The following PTPRD variants were observed in gnomAD, a reference collection of about 807,000 sequenced individuals.
PTPRD encodes the protein receptor-type tyrosine-protein phosphatase delta.
Under a neutral mutation model 214.5 loss-of-function variants are expected in PTPRD, and 34 were observed. The observed-to-expected ratio is 0.16, with a 90% CI of 0.12 to 0.21. PTPRD has a LOEUF of 0.21. Among genes scored for constraint, PTPRD ranks in the 10% least tolerant of loss-of-function variants. The pLI is 1.00. For synonymous variants in PTPRD, 1,128 were observed against 845.7 expected, an observed-to-expected ratio of 1.33 and a Z score of -5.79; for missense variants, 2,545 against 2,398.7, an observed-to-expected ratio of 1.06 and a Z score of -1.27.
intron 10 of PTPRD, among the ~76,000 whole-genome samples, chr9:9,036,671 A>G (rs764761313): frequency 5.3e-5 from 8 of 152,178 alleles, no homozygotes; most frequent in Non-Finnish European, 8.8e-5. Flanking sequence ...TTAGACAAAG[A>G]TGCTAGGTGA....
intron 9 of PTPRD, among the ~76,000 whole-genome samples, chr9:9,358,031 T>C (rs988317461): frequency 3.3e-5 from 5 of 151,284 alleles, no homozygotes; most frequent in African/African-American, 7.3e-5. Flanking sequence ...CAGAAAAATA[T>C]GAGATTTTTC....
At chr9:9,414,578 T>C (rs1489745803) in intron 8 of PTPRD, among the ~76,000 whole-genome samples, 1 of 152,154 alleles carries the variant, frequency 6.6e-6, no homozygotes, top group Non-Finnish European at 1.5e-5. Context: ...TGGTTTTTAA[T>C]TAAAAACAAA....
intron 3 of PTPRD, among the ~76,000 whole-genome samples, chr9:10,173,337 A>C (rs2099223673): frequency 6.6e-6 from 1 of 152,182 alleles, no homozygotes; most frequent in Non-Finnish European, 1.5e-5. Flanking sequence ...TAAATTGGCT[A>C]AGGTATTATT....
chr9:8,504,977 T>C (rs1352849741), intron 22 of PTPRD, among the ~76,000 whole-genome samples: 1 of 152,190 alleles, frequency 6.6e-6, no homozygotes, highest in Non-Finnish European at 1.5e-5. Flanking sequence ...CGTTAGTCAC[T>C]AAAGAAAGTT....
intron 2 of PTPRD, among the ~76,000 whole-genome samples, chr9:10,430,985 T>A (rs1311603201): frequency 1.3e-5 from 2 of 151,994 alleles, no homozygotes; most frequent in Admixed American, 1.3e-4. Context: ...ACATAAATAA[T>A]AACCTATACC....
At chr9:9,902,497 C>T (rs970683407) in intron 5 of PTPRD, among the ~76,000 whole-genome samples, 7 of 152,060 alleles carry the variant, frequency 4.6e-5, no homozygotes, top group Non-Finnish European at 8.8e-5. Flanking sequence ...ATGTTGATTA[C>T]ATAACAGTGT....
At chr9:10,413,554 A>T (rs1396677078) in intron 2 of PTPRD, among the ~76,000 whole-genome samples, 5 of 152,008 alleles carry the variant, frequency 3.3e-5, no homozygotes, top group Non-Finnish European at 7.4e-5. Context: ...TACAGATTCA[A>T]TTCTATTCCT....
chr9:8,764,344 T>C (rs2094577266), intron 11 of PTPRD, among the ~76,000 whole-genome samples: 2 of 152,214 alleles, frequency 1.3e-5, no homozygotes, highest in Admixed American at 1.3e-4. Context: ...GGCCTCTTCA[T>C]TAAAAACACA....
chr9:9,642,483 A>G (rs1227493082), intron 7 of PTPRD, among the ~76,000 whole-genome samples: 1 of 152,168 alleles, frequency 6.6e-6, no homozygotes, highest in Non-Finnish European at 1.5e-5. Flanking sequence ...TATAGCTTAG[A>G]AGGTATATAA....
At chr9:8,604,766 C>A (rs571274340) in intron 14 of PTPRD, among the ~76,000 whole-genome samples, 125 of 152,220 alleles carry the variant, frequency 8.2e-4, no homozygotes, top group African/African-American at 2.9e-3. Flanking sequence ...AAAGAGAAAT[C>A]AAGTAAGTCT....
intron 7 of PTPRD, among the ~76,000 whole-genome samples, chr9:9,712,038 G>A (rs367651259): frequency 2.6e-5 from 4 of 151,836 alleles, no homozygotes; most frequent in Admixed American, 6.6e-5. Flanking sequence ...GTGAGATCTC[G>A]CACCGACTTA....
At chr9:9,649,600 T>A (rs886393752) in intron 7 of PTPRD, among the ~76,000 whole-genome samples, 15 of 152,348 alleles carry the variant, frequency 9.8e-5, no homozygotes, top group African/African-American at 3.4e-4. Context: ...TAAATATCAC[T>A]GCCTTAGAGC....
At chr9:8,328,591 T>C (rs1563960488) in intron 44 of PTPRD, among the ~76,000 whole-genome samples, 3 of 118,488 alleles carry the variant, frequency 2.5e-5, no homozygotes, top group Non-Finnish European at 4.8e-5. Flanking sequence ...GGGGAAGTTC[T>C]TCTGGATAAT....
rs1291570372 is a variant in PTPRD, at chr9:9,356,406, C to A, written c.-203+41043G>T. ...ATAACAGCACTGGACTTATTTTTTT[C>A]ATGACCCATCACAGTCTATTGTATA... On this transcript the variant is annotated intron_variant, in intron 9 of 45. Coordinates refer to ENST00000381196, the MANE Select transcript of PTPRD (RefSeq NM_002839.4). Among the ~76,000 whole-genome samples, 16 of 151,170 alleles carry A rather than the reference C, an allele frequency of 1.1e-4. No individual in the cohort carries two copies. The Admixed American group carries it at 1.1e-3, about 10-fold the overall frequency.
intron 7 of PTPRD, among the ~76,000 whole-genome samples, chr9:9,657,101 C>G (rs937993004): frequency 2.0e-5 from 3 of 152,010 alleles, no homozygotes; most frequent in East Asian, 1.9e-4. Flanking sequence ...GTCTCACACA[C>G]AATATGTACT....
intron 11 of PTPRD, among the ~76,000 whole-genome samples, chr9:8,760,488 C>T (rs2094341140): frequency 6.6e-6 from 1 of 152,026 alleles, no homozygotes. Flanking sequence ...TTAATATCCC[C>T]ACCTACTCAT....
chr9:8,581,088 T>G (rs1311341636), intron 14 of PTPRD, among the ~76,000 whole-genome samples: 1 of 152,130 alleles, frequency 6.6e-6, no homozygotes. Context: ...GTACTGGGAA[T>G]GGCCCTAAGA....
At chr9:8,568,421 C>A (rs566575312) in intron 14 of PTPRD, among the ~76,000 whole-genome samples, 17 of 152,114 alleles carry the variant, frequency 1.1e-4, no homozygotes, top group Admixed American at 5.2e-4. Context: ...TCCCTGGAAC[C>A]TTTCATTCCT....
At chr9:10,180,325 A>G (rs1453227384) in intron 3 of PTPRD, among the ~76,000 whole-genome samples, 1 of 152,004 alleles carries the variant, frequency 6.6e-6, no homozygotes, top group Non-Finnish European at 1.5e-5. Flanking sequence ...AAAGTTCTAA[A>G]AGTAAAAACA....
Sources: allele counts gnomAD v4.1 joint callset (sites outside exome capture counted in the v4.1 genomes callset), GRCh38; gene constraint gnomAD v4.1.1; transcripts MANE v1.5; gene names NCBI Gene and HGNC (gene_info 2026-07-23, HGNC 2026-07-21).